Variants in TENM3 observed in about 807,000 individuals in gnomAD.
The protein encoded by TENM3 is teneurin transmembrane protein 3, also known as teneurin-3.
Under a neutral mutation model 255.1 loss-of-function variants are expected in TENM3, and 63 were observed. That is an observed-to-expected ratio of 0.25 (90% CI 0.20 to 0.30). The LOEUF (loss-of-function observed/expected upper bound fraction) is 0.30, where lower values mean the gene tolerates loss of function less well. Ranked by LOEUF, TENM3 falls within the 10% of genes least tolerant of loss-of-function variation. The pLI is 1.00. For synonymous variants in TENM3, 1,306 were observed against 1,322.3 expected (o/e 0.99, Z 0.27); for missense variants, 2,929 against 3,461.1 (o/e 0.85, Z 3.86).
At chr4:182,059,565 C>G in the TENM3 span, among the ~76,000 whole-genome samples, 1 of 151,426 alleles carries the variant, frequency 6.6e-6, no homozygotes, top group Non-Finnish European at 1.5e-5. Context: ...ATGCACCCAT[C>G]CATCTTGAAG....
chr4:181,637,835 C>T, the TENM3 span, among the ~76,000 whole-genome samples: 1 of 152,144 alleles, frequency 6.6e-6, no homozygotes, highest in African/African-American at 2.4e-5. Flanking sequence ...TCATTTCAGT[C>T]ATTGGTACAT....
rs563596548 is a variant in TENM3 at position 182,413,832 on chromosome 4, T to G, written c.511+66903T>G. Among the ~76,000 whole-genome samples, 12 of 152,314 alleles carry G rather than the reference T, an allele frequency of 7.9e-5. No homozygotes were observed. The South Asian group carries it at 2.3e-3, about 29-fold the overall frequency. The stretch of plus-strand genomic sequence containing the variant: ...AAAATATCTTTTATTTAATAAACAG[T>G]GCAAGGGGTGCAGATCCAAGACAGT... On this transcript the variant is annotated intron_variant, in intron 3 of 27. Transcript: ENST00000511685.
chr4:182,170,886 T>C (rs1197629369), intron 1 of TENM3, among the ~76,000 whole-genome samples: 3 of 152,142 alleles, frequency 2.0e-5, no homozygotes, highest in African/African-American at 7.2e-5. Context: ...AAGTGAGTTT[T>C]TTTTCTTTTC....
chr4:182,505,502 G>A (rs892448637), intron 3 of TENM3, among the ~76,000 whole-genome samples: 2 of 151,608 alleles, frequency 1.3e-5, no homozygotes, highest in African/African-American at 4.9e-5. Flanking sequence ...TTTTGAGACA[G>A]AGTTTCACCC....
chr4:182,305,905 G>A (rs937987344), intron 1 of TENM3, among the ~76,000 whole-genome samples: 2 of 152,092 alleles, frequency 1.3e-5, no homozygotes, highest in Non-Finnish European at 2.9e-5. Flanking sequence ...AAAGAATTTC[G>A]TACACCATTG....
At chr4:181,672,808 G>A in the TENM3 span, among the ~76,000 whole-genome samples, 2 of 152,184 alleles carry the variant, frequency 1.3e-5, no homozygotes, top group Admixed American at 6.6e-5. Context: ...TTGCCTGGCA[G>A]ATGTGATCTT....
intron 3 of TENM3, among the ~76,000 whole-genome samples, chr4:182,587,265 T>A (rs1746113573): frequency 6.6e-6 from 1 of 151,910 alleles, no homozygotes. Context: ...GCCCCATTAA[T>A]TTTCACATTT....
At chr4:182,175,234 G>GTGA (rs1237593110) in intron 1 of TENM3, among the ~76,000 whole-genome samples, 2 of 150,298 alleles carry the variant, frequency 1.3e-5, no homozygotes, top group African/African-American at 4.9e-5. Flanking sequence ...TGTTGAATGA[G>GTGA]TGATACTGAA....
At chr4:181,720,661 G>T in the TENM3 span, among the ~76,000 whole-genome samples, 1 of 151,878 alleles carries the variant, frequency 6.6e-6, no homozygotes, top group Non-Finnish European at 1.5e-5. Flanking sequence ...TCTTACATCT[G>T]ACAATAGTCT....
chr4:182,547,080 A>AG (rs1289498028), intron 3 of TENM3, among the ~76,000 whole-genome samples: 4 of 152,174 alleles, frequency 2.6e-5, no homozygotes. Context: ...CTCATGAGTA[A>AG]GCAGAGATCT....
chr4:182,710,850 A>G (rs536251823), intron 12 of TENM3, among the ~76,000 whole-genome samples: 2 of 152,328 alleles, frequency 1.3e-5, no homozygotes, highest in Admixed American at 1.3e-4. Context: ...TCCAGGGGAA[A>G]GGCATAGCCT....
chr4:182,349,608 A>C (rs1411706814), intron 3 of TENM3, among the ~76,000 whole-genome samples: 2 of 152,164 alleles, frequency 1.3e-5, no homozygotes, highest in Non-Finnish European at 2.9e-5. Flanking sequence ...GCAGTCATAC[A>C]TAGGTTCTTC....
the TENM3 span, among the ~76,000 whole-genome samples, chr4:181,535,431 G>T: frequency 6.6e-6 from 1 of 152,144 alleles, no homozygotes; most frequent in Non-Finnish European, 1.5e-5. Context: ...TGTCTCCTAG[G>T]CTCTTGCAAT....
At chr4:181,710,589 C>A in the TENM3 span, among the ~76,000 whole-genome samples, 5 of 152,056 alleles carry the variant, frequency 3.3e-5, 1 homozygote, top group South Asian at 1.0e-3. Context: ...GTGGCAGGTG[C>A]CTGTAGTCCC....
At chr4:182,468,604 A>G (rs1227908645) in intron 3 of TENM3, among the ~76,000 whole-genome samples, 1 of 152,150 alleles carries the variant, frequency 6.6e-6, no homozygotes, top group African/African-American at 2.4e-5. Context: ...TTGTTTGTCT[A>G]CTACTACCTG....
At chr4:181,981,349 G>T in the TENM3 span, among the ~76,000 whole-genome samples, 2 of 152,096 alleles carry the variant, frequency 1.3e-5, no homozygotes. Context: ...CTCAAGTCCT[G>T]TTAGGTTCAG....
the TENM3 span, among the ~76,000 whole-genome samples, chr4:181,923,728 A>G: frequency 6.6e-6 from 1 of 152,176 alleles, no homozygotes; most frequent in African/African-American, 2.4e-5. Context: ...AAAAGAAATG[A>G]TAGCCTGGAA....
intron 3 of TENM3, among the ~76,000 whole-genome samples, chr4:182,468,824 TTGTGTGTGTGTGTG>T (rs66517986): frequency 4.1e-4 from 59 of 143,776 alleles, no homozygotes; most frequent in Non-Finnish European, 5.4e-4. Flanking sequence ...TCCTGTGTGC[TTGTGTGTGTGTGTG>T]TGTGTGTGTG....
chr4:182,368,296 A>C (rs1580318778), intron 3 of TENM3, among the ~76,000 whole-genome samples: 1 of 152,176 alleles, frequency 6.6e-6, no homozygotes, highest in African/African-American at 2.4e-5. Context: ...AGTAAACCGT[A>C]TTCCCCTCCA....
Sources: allele counts gnomAD v4.1 joint callset (sites outside exome capture counted in the v4.1 genomes callset), GRCh38; gene constraint gnomAD v4.1.1; transcripts MANE v1.5; gene names NCBI Gene and HGNC (gene_info 2026-07-23, HGNC 2026-07-21).